EXOC6B: variants seen among roughly 807,000 people sequenced by gnomAD.
EXOC6B encodes SEC15 homolog B.
Under a neutral mutation model 113.5 loss-of-function variants are expected in EXOC6B, and 54 were observed. That is an observed-to-expected ratio of 0.48 (90% CI 0.38 to 0.60). EXOC6B has a LOEUF of 0.60. Among genes scored for constraint, EXOC6B ranks in the 20% least tolerant of loss-of-function variants. The pLI is 0.00. For missense variants in EXOC6B, 797 were observed against 977.5 expected, an observed-to-expected ratio of 0.82 and a Z score of 2.46; for synonymous variants, 357 against 339.0, an observed-to-expected ratio of 1.05 and a Z score of -0.58.
At chr2:72,473,938 G>T (rs193076991) in intron 17 of EXOC6B, among the ~76,000 whole-genome samples, 4 of 152,198 alleles carry the variant, frequency 2.6e-5, no homozygotes, top group Non-Finnish European at 5.9e-5. Context: ...TTATTGTAAG[G>T]CCAGTGTAGT....
At chr2:72,557,776 C>G (rs375164702) in intron 8 of EXOC6B, among the ~76,000 whole-genome samples, 14 of 151,994 alleles carry the variant, frequency 9.2e-5, no homozygotes, top group African/African-American at 2.7e-4. Context: ...ACCTATGTAA[C>G]AAACCTTCAC....
chr2:72,615,179 A>G (rs1407997347), intron 6 of EXOC6B, among the ~76,000 whole-genome samples: 2 of 152,130 alleles, frequency 1.3e-5, no homozygotes, highest in African/African-American at 2.4e-5. Flanking sequence ...TAAGATTCAG[A>G]CATCTAATAA....
intron 20 of EXOC6B, among the ~76,000 whole-genome samples, chr2:72,299,550 A>G (rs1686370309): frequency 6.6e-6 from 1 of 152,002 alleles, no homozygotes; most frequent in Non-Finnish European, 1.5e-5. Flanking sequence ...TTCTCCGTCC[A>G]GTTTTGTTCC....
chr2:72,515,758 G>C, intron 8 of EXOC6B: 1 of 984,258 alleles, frequency 1.0e-6, no homozygotes, highest in Non-Finnish European at 1.2e-6. Flanking sequence ...GTTGAATAGT[G>C]GTTTCTCCAA....
intron 1 of EXOC6B, among the ~76,000 whole-genome samples, chr2:72,766,778 A>T (rs1359755605): frequency 6.6e-6 from 1 of 151,518 alleles, no homozygotes; most frequent in Non-Finnish European, 1.5e-5. Flanking sequence ...ACATGGTGAA[A>T]CTCCATCTCT....
intron 19 of EXOC6B, among the ~76,000 whole-genome samples, chr2:72,343,297 C>T (rs1207061774): frequency 6.6e-6 from 1 of 152,064 alleles, no homozygotes; most frequent in African/African-American, 2.4e-5. Flanking sequence ...TGTGGTGACA[C>T]ACACCTCTAG....
At chr2:72,637,736 G>A (rs1672951857) in intron 6 of EXOC6B, among the ~76,000 whole-genome samples, 1 of 150,848 alleles carries the variant, frequency 6.6e-6, no homozygotes, top group Non-Finnish European at 1.5e-5. Context: ...GTTGCAGTCA[G>A]CCAAGATCAC....
chr2:72,796,537 A>T lies in EXOC6B; in HGVS notation c.113+29261T>A, dbSNP rs79158149. On this transcript the variant is annotated intron_variant, in intron 1 of 21. Transcript: ENST00000272427. The stretch of plus-strand genomic sequence containing the variant: ...CCCCCACTAGACAATGTGCTCTTCA[A>T]GAACAGGAACTCTATTTTATTCATC... Among the ~76,000 whole-genome samples the T allele has an allele frequency of 5.5e-3, 844 of 152,202 alleles. 7 individuals are homozygous for T. Among genetic ancestry groups the T allele is most frequent in the African/African-American group, 0.02 (816 of 41,546 alleles).
chr2:72,358,842 T>C (rs914763008), intron 19 of EXOC6B, among the ~76,000 whole-genome samples: 1 of 152,142 alleles, frequency 6.6e-6, no homozygotes, highest in Non-Finnish European at 1.5e-5. Context: ...ACATCCTAGT[T>C]TTCTCTATTA....
chr2:72,551,076 G>T (rs944088810), intron 8 of EXOC6B, among the ~76,000 whole-genome samples: 7 of 151,940 alleles, frequency 4.6e-5, no homozygotes, highest in African/African-American at 1.7e-4. Flanking sequence ...TACTATGTAG[G>T]TAATTATTAT....
chr2:72,491,403 C>T lies in EXOC6B; in HGVS notation c.1665+915G>A, dbSNP rs114293945. 5.8e-3 allele frequency among the ~76,000 whole-genome samples: 884 copies of T among 152,136 alleles called. 10 individuals are homozygous for T. The highest frequency in any genetic ancestry group is 0.02 in the African/African-American group (811 of 41,508). On this transcript the variant is annotated intron_variant, in intron 16 of 21. Transcript: ENST00000272427. The stretch of plus-strand genomic sequence containing the variant: ...GGTCAGTATCATTAACCTTTTGCTG[C>T]GCTTCACCATAATCCTTGACAGTGT...
chr2:72,571,497 A>G (rs1286664556), intron 7 of EXOC6B, among the ~76,000 whole-genome samples: 1 of 152,184 alleles, frequency 6.6e-6, no homozygotes. Flanking sequence ...TAAAACAAAA[A>G]AAACCTCATC....
At chr2:72,698,002 A>G (rs1678014249) in intron 6 of EXOC6B, among the ~76,000 whole-genome samples, 2 of 152,190 alleles carry the variant, frequency 1.3e-5, no homozygotes, top group Non-Finnish European at 2.9e-5. Flanking sequence ...ATCAATGGCA[A>G]TATCATTCAA....
At chr2:72,669,093 T>C (rs998559541) in intron 6 of EXOC6B, among the ~76,000 whole-genome samples, 1 of 151,800 alleles carries the variant, frequency 6.6e-6, no homozygotes. Context: ...TATCAAAAAA[T>C]ATATTATTAT....
intron 20 of EXOC6B, among the ~76,000 whole-genome samples, chr2:72,271,046 C>A (rs1684451475): frequency 6.6e-6 from 1 of 152,150 alleles, no homozygotes; most frequent in Non-Finnish European, 1.5e-5. Context: ...ATGCTCCCTC[C>A]AGATCTTTCT....
chr2:72,700,084 T>C (rs1678201258), intron 6 of EXOC6B, among the ~76,000 whole-genome samples: 1 of 152,188 alleles, frequency 6.6e-6, no homozygotes, highest in Non-Finnish European at 1.5e-5. Flanking sequence ...ATGCAAATAG[T>C]TGTTATACTA....
chr2:72,627,969 G>A (rs868745163), intron 6 of EXOC6B, among the ~76,000 whole-genome samples: 3 of 151,990 alleles, frequency 2.0e-5, no homozygotes, highest in African/African-American at 7.2e-5. Context: ...TATAGGGGTA[G>A]GATTTAGAAG....
At chr2:72,184,639 G>A (rs2104229736) in intron 20 of EXOC6B, among the ~76,000 whole-genome samples, 1 of 152,292 alleles carries the variant, frequency 6.6e-6, no homozygotes, top group Non-Finnish European at 1.5e-5. Context: ...GAACTTCAAG[G>A]TTAAAAGGTC....
At chr2:72,613,037 CATT>C (rs1305722973) in intron 6 of EXOC6B, among the ~76,000 whole-genome samples, 1 of 152,026 alleles carries the variant, frequency 6.6e-6, no homozygotes, top group Non-Finnish European at 1.5e-5. Context: ...ATCATTGCAT[CATT>C]ATAAGGGCGT....
Sources: gnomAD v4.1 joint callset for allele counts (sites outside exome capture counted in the v4.1 genomes callset) on GRCh38, gnomAD v4.1.1 for gene constraint, MANE v1.5 for transcripts, NCBI Gene and HGNC (gene_info 2026-07-23, HGNC 2026-07-21) for gene names.